Variants in TEX10 observed in about 807,000 individuals in gnomAD.
TEX10 encodes testis expressed 10, also known as testis-expressed protein 10.
In TEX10, 24 loss-of-function variants were observed where a neutral mutation model predicts 104.4. That is an observed-to-expected ratio of 0.23 (90% CI 0.17 to 0.32). The LOEUF (loss-of-function observed/expected upper bound fraction) is 0.32. Ranked by LOEUF, TEX10 falls within the 10% of genes least tolerant of loss-of-function variation. The probability of loss-of-function intolerance (pLI) is 1.00; values close to 1 mark genes in which losing one functional copy is unlikely to be tolerated. For missense variants in TEX10, 921 were observed against 1,083.9 expected (o/e 0.85, Z 2.11); for synonymous variants, 396 against 393.4 (o/e 1.01, Z -0.08).
intron 5 of TEX10, among the ~76,000 whole-genome samples, chr9:100,337,394 T>A (rs920057736): frequency 1.3e-5 from 2 of 152,204 alleles, no homozygotes; most frequent in African/African-American, 2.4e-5. Context: ...TTGATGAAAA[T>A]TATACATGGA....
At chr9:100,340,686 A>G (rs1009481838) in intron 4 of TEX10, among the ~76,000 whole-genome samples, 2 of 152,200 alleles carry the variant, frequency 1.3e-5, no homozygotes, top group Non-Finnish European at 2.9e-5. Context: ...AATATACAAG[A>G]AAGTCTTTCT....
rs1182764934 is a variant in TEX10, at chr9:100,339,245, C to CAAAAAAAA, written c.1250+1004_1250+1011dup. The stretch of plus-strand genomic sequence containing the variant: ...TGGGAAACAGAGTGAGACTCCATCT[C>CAAAAAAAA]AAAAAAAAAAAAAAAAAAAAAAAAA... On this transcript the variant is annotated intron_variant, in intron 5 of 14. Coordinates refer to ENST00000374902, the MANE Select transcript of TEX10 (RefSeq NM_017746.4). Among the ~76,000 whole-genome samples, 24 of 29,408 alleles carry CAAAAAAAA rather than the reference C, an allele frequency of 8.2e-4. 3 individuals carry two copies. Among genetic ancestry groups the CAAAAAAAA allele is most frequent in the African/African-American group, 3.0e-3 (24 of 8,096 alleles). The allele number at this position is 29,408 out of a possible 152,430, so 19.3% of individuals were successfully genotyped here. A position where few individuals can be genotyped will look rare whatever the true frequency, so the allele number is the denominator to read the frequency against.
intron 4 of TEX10, among the ~76,000 whole-genome samples, chr9:100,342,206 A>AT (rs1317199637): frequency 2.6e-4 from 39 of 152,210 alleles, no homozygotes. Flanking sequence ...TGACATTCAG[A>AT]TATCTTATTC....
intron 5 of TEX10, among the ~76,000 whole-genome samples, chr9:100,331,387 T>C (rs1834859128): frequency 6.6e-6 from 1 of 151,922 alleles, no homozygotes; most frequent in Non-Finnish European, 1.5e-5. Context: ...CAGTGAGCTA[T>C]GATCACACAA....
intron 9 of TEX10, among the ~76,000 whole-genome samples, chr9:100,322,649 CTT>C (rs1417133307): frequency 1.3e-5 from 2 of 151,996 alleles, no homozygotes; most frequent in South Asian, 2.1e-4. Context: ...TGGAGTTTCT[CTT>C]GTTGCCCAGG....
At chr9:100,339,338 T>C (rs1287320970) in intron 5 of TEX10, among the ~76,000 whole-genome samples, 2 of 132,164 alleles carry the variant, frequency 1.5e-5, no homozygotes, top group Admixed American at 8.4e-5. Flanking sequence ...TTATATATTA[T>C]ATATAATATA....
chr9:100,340,650 T>G (rs892361216), intron 4 of TEX10, among the ~76,000 whole-genome samples: 2 of 152,192 alleles, frequency 1.3e-5, no homozygotes, highest in Non-Finnish European at 2.9e-5. Context: ...AATTCTGAAT[T>G]TGGACTACTA....
chr9:100,326,667 CT>C (rs1440137009), intron 8 of TEX10, among the ~76,000 whole-genome samples, 188 bp from the exon 9 acceptor site: 1 of 152,088 alleles, frequency 6.6e-6, no homozygotes, highest in Non-Finnish European at 1.5e-5. Context: ...TGTTAAGCTA[CT>C]GCATAAAATA....
chr9:100,346,402 G>C, intron 3 of TEX10, 87 bp from the exon 4 acceptor site: 2 of 1,398,442 alleles, frequency 1.4e-6, no homozygotes, highest in South Asian at 1.5e-5. Flanking sequence ...TAAAGTACTA[G>C]TAAAATGAAG....
chr9:100,321,117 T>C (rs904118791), intron 10 of TEX10, among the ~76,000 whole-genome samples: 1 of 152,194 alleles, frequency 6.6e-6, no homozygotes, highest in Non-Finnish European at 1.5e-5. Context: ...AAAAACTTTC[T>C]GACAACTACT....
At chr9:100,352,155 A>C (rs1050329401) in intron 1 of TEX10, among the ~76,000 whole-genome samples, 1 of 152,158 alleles carries the variant, frequency 6.6e-6, no homozygotes, top group South Asian at 2.1e-4. Context: ...AATCAGAGAG[A>C]ACGATCGTAC....
At chr9:100,318,839 G>A (rs1834490590) in intron 11 of TEX10, among the ~76,000 whole-genome samples, 1 of 152,188 alleles carries the variant, frequency 6.6e-6, no homozygotes, top group African/African-American at 2.4e-5. Context: ...TGAGGCAGGA[G>A]GATCACTTGA....
At chr9:100,313,034 CCAA>C (rs909708971) in intron 11 of TEX10, among the ~76,000 whole-genome samples, 6 of 151,990 alleles carry the variant, frequency 3.9e-5, no homozygotes, top group South Asian at 2.1e-4. Flanking sequence ...CATTGGTATA[CCAA>C]CAACAACAAC....
chr9:100,302,527 T>TAAGTC (rs1353695442), intron 14 of TEX10, among the ~76,000 whole-genome samples: 1 of 152,226 alleles, frequency 6.6e-6, no homozygotes, highest in Non-Finnish European at 1.5e-5. Context: ...GGTTTCTTGT[T>TAAGTC]AAGTCTGTTC....
At chr9:100,310,582 T>A (rs1249946442) in intron 11 of TEX10, among the ~76,000 whole-genome samples, 1 of 151,872 alleles carries the variant, frequency 6.6e-6, no homozygotes, top group South Asian at 2.1e-4. Context: ...GGACTACAGG[T>A]GCACACCACC....
chr9:100,327,435 T>C (rs80318477), intron 8 of TEX10, among the ~76,000 whole-genome samples: 1 of 150,422 alleles, frequency 6.6e-6, no homozygotes, highest in Admixed American at 6.7e-5. Context: ...ACAAAGAATA[T>C]ATGAAAGTCA....
chr9:100,342,128 T>C (rs752798294), intron 4 of TEX10, among the ~76,000 whole-genome samples: 4 of 152,238 alleles, frequency 2.6e-5, no homozygotes, highest in African/African-American at 7.2e-5. Flanking sequence ...AAAGCCATTG[T>C]ACTTGCTGTT....
At chr9:100,324,845 A>T (rs958113052) in intron 9 of TEX10, among the ~76,000 whole-genome samples, 4 of 152,180 alleles carry the variant, frequency 2.6e-5, no homozygotes, top group Non-Finnish European at 4.4e-5. Flanking sequence ...GTTACGGAAA[A>T]TTTTTTTTAA....
chr9:100,310,180 G>T, intron 12 of TEX10, 119 bp downstream of exon 12: 2 of 804,780 alleles, frequency 2.5e-6, no homozygotes, highest in Non-Finnish European at 2.0e-6. Flanking sequence ...TGCTGCAAGA[G>T]ACTATGATAT....
Sources: gnomAD v4.1 joint callset for allele counts (sites outside exome capture counted in the v4.1 genomes callset) on GRCh38, gnomAD v4.1.1 for gene constraint, MANE v1.5 for transcripts, NCBI Gene and HGNC (gene_info 2026-07-23, HGNC 2026-07-21) for gene names.